The following VOPP1 variants were observed in gnomAD, a reference collection of about 807,000 sequenced individuals.
VOPP1 encodes WW domain binding protein VOPP1.
Under a neutral mutation model 23.5 loss-of-function variants are expected in VOPP1, and 8 were observed. The observed-to-expected ratio is 0.34, with a 90% CI of 0.20 to 0.61. The LOEUF is 0.61. VOPP1 is among the 20% of genes least tolerant of loss of function. The pLI, the probability that VOPP1 is intolerant of heterozygous loss-of-function variation, is 0.78. For missense variants in VOPP1, 174 were observed against 238.1 expected (o/e 0.73, Z 1.77); for synonymous variants, 83 against 97.3 (o/e 0.85, Z 0.86).
intron 1 of VOPP1, among the ~76,000 whole-genome samples, chr7:55,566,545 G>T (rs1798169852): frequency 6.6e-6 from 1 of 152,172 alleles, no homozygotes; most frequent in South Asian, 2.1e-4. Context: ...CTAGGCGACA[G>T]AGGGAGACCA....
chr7:55,486,039 G>GTGT (rs1793117111), intron 4 of VOPP1, among the ~76,000 whole-genome samples: 1 of 152,244 alleles, frequency 6.6e-6, no homozygotes, highest in African/African-American at 2.4e-5. Context: ...GGTACGTGCA[G>GTGT]TGTGTCCCTC....
chr7:55,518,782 C>T (rs1007027304), intron 2 of VOPP1, among the ~76,000 whole-genome samples: 15 of 149,860 alleles, frequency 1.0e-4, no homozygotes, highest in African/African-American at 3.7e-4. Context: ...AAGCCAGACG[C>T]TCTCTTGAAA....
intron 1 of VOPP1, among the ~76,000 whole-genome samples, chr7:55,545,497 T>C (rs147380451): frequency 2.0e-5 from 3 of 152,348 alleles, no homozygotes; most frequent in Non-Finnish European, 4.4e-5. Flanking sequence ...GGAAGAAGCC[T>C]GCTCTCCCCA....
chr7:55,545,020 G>C (rs1383739303), intron 1 of VOPP1, among the ~76,000 whole-genome samples: 3 of 152,178 alleles, frequency 2.0e-5, no homozygotes, highest in Admixed American at 6.5e-5. Context: ...GTTAAATCAA[G>C]AGCTAGAAGG....
chr7:55,520,742 C>G (rs1227186171), intron 2 of VOPP1, among the ~76,000 whole-genome samples: 1 of 152,256 alleles, frequency 6.6e-6, no homozygotes. Flanking sequence ...TCCTATGATC[C>G]TTTCTCTCTT....
At chr7:55,516,010 T>C (rs1041591563) in intron 2 of VOPP1, 2 of 985,446 alleles carry the variant, frequency 2.0e-6, no homozygotes, top group Middle Eastern at 5.2e-4. Context: ...GCAAAGGAGC[T>C]GAGGAAGCGA....
At chr7:55,478,406 A>C (rs1039977523) in intron 4 of VOPP1, among the ~76,000 whole-genome samples, 1 of 152,252 alleles carries the variant, frequency 6.6e-6, no homozygotes, top group Non-Finnish European at 1.5e-5. Context: ...GTCAGGAAAA[A>C]AAAGCCCAAG....
chr7:55,512,270 A>G (rs1292405310), intron 2 of VOPP1, among the ~76,000 whole-genome samples: 2 of 152,106 alleles, frequency 1.3e-5, no homozygotes, highest in African/African-American at 4.8e-5. Context: ...TACTAAAAAT[A>G]CAAAAATTAG....
chr7:55,542,946 C>T (rs967334695), intron 1 of VOPP1, among the ~76,000 whole-genome samples: 1 of 151,916 alleles, frequency 6.6e-6, no homozygotes, highest in Admixed American at 6.6e-5. Flanking sequence ...AGACGAGTCT[C>T]GCTCTGTTGT....
At chr7:55,464,255 G>A (rs1299122697) in intron 4 of VOPP1, among the ~76,000 whole-genome samples, 1 of 152,152 alleles carries the variant, frequency 6.6e-6, no homozygotes, top group Non-Finnish European at 1.5e-5. Flanking sequence ...ATTAGTGTGG[G>A]CAGAGGTGGT....
intron 4 of VOPP1, among the ~76,000 whole-genome samples, chr7:55,491,124 C>T (rs1231188793): frequency 3.9e-5 from 6 of 152,184 alleles, no homozygotes; most frequent in Non-Finnish European, 8.8e-5. Context: ...AGTTTAAAGA[C>T]AGGGGCACAT....
chr7:55,440,092 G>A (rs1008063430), intron 4 of VOPP1, among the ~76,000 whole-genome samples: 2 of 152,228 alleles, frequency 1.3e-5, no homozygotes, highest in Non-Finnish European at 2.9e-5. Flanking sequence ...GAGAGCGGGT[G>A]GCAGGTTTGT....
At chr7:55,522,053 C>A (rs532028315) in intron 1 of VOPP1, among the ~76,000 whole-genome samples, 15 of 152,292 alleles carry the variant, frequency 9.8e-5, no homozygotes, top group Admixed American at 2.6e-4. Flanking sequence ...GGCAAAGGGA[C>A]GGCAAACAAA....
At chr7:55,525,120 T>A in intron 1 of VOPP1, among the ~76,000 whole-genome samples, 1 of 151,978 alleles carries the variant, frequency 6.6e-6, no homozygotes, top group East Asian at 1.9e-4. Context: ...GAACCAGAGC[T>A]CTGTGTTCTG....
chr7:55,500,702 C>G (rs938065793), intron 2 of VOPP1, among the ~76,000 whole-genome samples: 1 of 152,226 alleles, frequency 6.6e-6, no homozygotes. Context: ...AGGCTAAATG[C>G]TTCACAAACG....
intron 3 of VOPP1, among the ~76,000 whole-genome samples, chr7:55,494,753 C>G (rs1226217529): frequency 2.0e-5 from 3 of 152,114 alleles, no homozygotes; most frequent in African/African-American, 7.2e-5. Context: ...CACCATTGTG[C>G]TAGGCCAAGA....
At chr7:55,438,978 C>G (rs557135864) in intron 4 of VOPP1, among the ~76,000 whole-genome samples, 1 of 151,976 alleles carries the variant, frequency 6.6e-6, no homozygotes, top group African/African-American at 2.4e-5. Flanking sequence ...TCTGGCAGGG[C>G]GCCACAGGCT....
intron 4 of VOPP1, among the ~76,000 whole-genome samples, chr7:55,449,819 C>G (rs1013849734): frequency 1.3e-5 from 2 of 152,190 alleles, no homozygotes; most frequent in African/African-American, 4.8e-5. Context: ...CTGCCACCCT[C>G]CTGCGGCCCC....
chr7:55,450,211 A>G (rs1466872790), intron 4 of VOPP1, among the ~76,000 whole-genome samples: 1 of 152,186 alleles, frequency 6.6e-6, no homozygotes, highest in Non-Finnish European at 1.5e-5. Context: ...AGGAGACCTC[A>G]GGCTGGTCCT....
Sources: gnomAD v4.1 joint callset for allele counts (sites outside exome capture counted in the v4.1 genomes callset) on GRCh38, gnomAD v4.1.1 for gene constraint, MANE v1.5 for transcripts, NCBI Gene and HGNC (gene_info 2026-07-23, HGNC 2026-07-21) for gene names.